The following KCNIP4 variants were observed in gnomAD, a reference collection of about 807,000 sequenced individuals.
The protein encoded by KCNIP4 is potassium voltage-gated channel interacting protein 4, also known as Kv channel-interacting protein 4.
In KCNIP4, 12 loss-of-function variants were observed where a neutral mutation model predicts 34.0. The ratio of observed to expected loss-of-function variants is 0.35; its 90% confidence interval spans 0.23 to 0.57. The LOEUF (loss-of-function observed/expected upper bound fraction) is 0.57. Among genes scored for constraint, KCNIP4 ranks in the 20% least tolerant of loss-of-function variants. The pLI, the probability that KCNIP4 is intolerant of heterozygous loss-of-function variation, is 0.83. For synonymous variants in KCNIP4, 124 were observed against 102.2 expected, an observed-to-expected ratio of 1.21 and a Z score of -1.29; for missense variants, 238 against 311.7, an observed-to-expected ratio of 0.76 and a Z score of 1.78.
At chr4:20,983,450 G>C (rs961195461) in intron 1 of KCNIP4, among the ~76,000 whole-genome samples, 1 of 152,104 alleles carries the variant, frequency 6.6e-6, no homozygotes, top group Non-Finnish European at 1.5e-5. Flanking sequence ...TCTTTCATAG[G>C]ATGAAATCAC....
Position 20,901,748 on chromosome 4 carries a change from G to C in KCNIP4, c.62-19039C>G, listed in dbSNP as rs141067114. 3.3e-5 allele frequency among the ~76,000 whole-genome samples: 5 copies of C among 152,176 alleles called. No homozygotes were observed. In the East Asian group the frequency reaches 9.7e-4, roughly 29 times the overall value. ...GCTTCAGTTCCTCATTTATAAATGA[G>C]AATAAGTATACTAAACTCAAGAGGT... On this transcript the variant is annotated intron_variant, in intron 1 of 8. Coordinates refer to ENST00000382152, the MANE Select transcript of KCNIP4 (RefSeq NM_025221.6).
intron 3 of KCNIP4, among the ~76,000 whole-genome samples, chr4:20,793,275 T>A (rs13149493): frequency 0.45 from 68,048 of 151,932 alleles, 15,810 homozygotes; most frequent in East Asian, 0.7. Flanking sequence ...TAAAACAACA[T>A]GAATGAATCT....
At chr4:21,932,879 G>GA (rs57384142) in intron 1 of KCNIP4, among the ~76,000 whole-genome samples, 55,274 of 151,566 alleles carry the variant, frequency 0.36, 10,491 homozygotes, top group African/African-American at 0.46. Context: ...TATAATCTAT[G>GA]AAAAAATCTA....
At chr4:21,372,864 AAG>A (rs1720601245) in intron 1 of KCNIP4, among the ~76,000 whole-genome samples, 1 of 146,150 alleles carries the variant, frequency 6.8e-6, no homozygotes, top group African/African-American at 2.8e-5. Flanking sequence ...GAGTGAATAC[AAG>A]AGTGTTAATC....
At chr4:20,863,215 G>A (rs987390224) in intron 2 of KCNIP4, among the ~76,000 whole-genome samples, 3 of 152,148 alleles carry the variant, frequency 2.0e-5, no homozygotes, top group African/African-American at 7.2e-5. Flanking sequence ...ATAATTTGGT[G>A]AGTAGGGGCT....
intron 1 of KCNIP4, among the ~76,000 whole-genome samples, chr4:21,151,939 T>C (rs1752787433): frequency 6.6e-6 from 1 of 152,142 alleles, no homozygotes. Flanking sequence ...TGTAAATACT[T>C]CTATATTGAA....
intron 1 of KCNIP4, among the ~76,000 whole-genome samples, chr4:21,312,969 G>T (rs1578063880): frequency 6.6e-6 from 1 of 152,288 alleles, no homozygotes; most frequent in African/African-American, 2.4e-5. Context: ...GTTCAGAAGT[G>T]TGAAGCTGAT....
At chr4:21,563,941 A>AT (rs766271143) in intron 1 of KCNIP4, among the ~76,000 whole-genome samples, 33 of 152,126 alleles carry the variant, frequency 2.2e-4, no homozygotes, top group Non-Finnish European at 4.0e-4. Context: ...AATCACGTAA[A>AT]TTGTTTAAAA....
At chr4:21,228,570 C>T (rs1017773084) in intron 1 of KCNIP4, among the ~76,000 whole-genome samples, 1 of 152,192 alleles carries the variant, frequency 6.6e-6, no homozygotes, top group Non-Finnish European at 1.5e-5. Flanking sequence ...TTGAAACACA[C>T]ATGAGTACAC....
chr4:21,222,359 A>C (rs1442393375), intron 1 of KCNIP4, among the ~76,000 whole-genome samples: 1 of 152,154 alleles, frequency 6.6e-6, no homozygotes, highest in East Asian at 1.9e-4. Context: ...TACTTTCTAG[A>C]GTAAACTTTA....
At chr4:21,729,059 A>C (rs11939687) in intron 1 of KCNIP4, among the ~76,000 whole-genome samples, 46,349 of 151,976 alleles carry the variant, frequency 0.3, 8,221 homozygotes, top group East Asian at 0.68. Context: ...AAATAATGAT[A>C]TCTCTCCTCC....
At chr4:21,251,875 G>A (rs1216038405) in intron 1 of KCNIP4, among the ~76,000 whole-genome samples, 2 of 147,672 alleles carry the variant, frequency 1.4e-5, no homozygotes, top group Non-Finnish European at 3.0e-5. Context: ...GGTGTGGGGA[G>A]GGGGGAGGGA....
chr4:21,655,328 G>C (rs1747835684), intron 1 of KCNIP4, among the ~76,000 whole-genome samples: 1 of 152,042 alleles, frequency 6.6e-6, no homozygotes, highest in Admixed American at 6.6e-5. Context: ...ATGGCCATCT[G>C]ATCATCATGC....
At chr4:21,859,620 T>C (rs888034556) in intron 1 of KCNIP4, among the ~76,000 whole-genome samples, 2 of 128,490 alleles carry the variant, frequency 1.6e-5, no homozygotes, top group Non-Finnish European at 3.4e-5. Flanking sequence ...AGAGCAAGAC[T>C]CCATTTCAAA....
intron 1 of KCNIP4, among the ~76,000 whole-genome samples, chr4:20,922,976 C>CGT (rs927978465): frequency 3.3e-5 from 5 of 151,244 alleles, no homozygotes; most frequent in African/African-American, 9.7e-5. Context: ...TGTGTGTGTG[C>CGT]GTGTGTGTGA....
chr4:21,910,988 A>G (rs970231272), intron 1 of KCNIP4, among the ~76,000 whole-genome samples: 1 of 152,206 alleles, frequency 6.6e-6, no homozygotes, highest in Admixed American at 6.5e-5. Flanking sequence ...ATTCCAAATA[A>G]AAGTGGAAAG....
chr4:20,840,630 C>T (rs766592091), intron 3 of KCNIP4, among the ~76,000 whole-genome samples: 4 of 152,198 alleles, frequency 2.6e-5, no homozygotes, highest in Admixed American at 1.3e-4. Context: ...AGTGGAACCA[C>T]GAGATGGAAG....
Position 21,704,317 on chromosome 4 carries a change from A to G in KCNIP4, c.61+244254T>C, listed in dbSNP as rs559008488. On this transcript the variant is annotated intron_variant, in intron 1 of 8. Transcript: ENST00000382152. ...GGTAGAACAGATGTTTTCAATTAGT[A>G]TATATTCCAAAAACATGAGCCATAA... is the stretch of plus-strand genomic sequence containing the variant. Among the ~76,000 whole-genome samples, 3 of 152,290 alleles carry G rather than the reference A, an allele frequency of 2.0e-5. No individual in the cohort carries two copies. In the East Asian group the frequency reaches 5.8e-4, roughly 29 times the overall value.
intron 1 of KCNIP4, among the ~76,000 whole-genome samples, chr4:21,066,696 A>G (rs1235532822): frequency 2.6e-5 from 4 of 152,172 alleles, no homozygotes; most frequent in Non-Finnish European, 5.9e-5. Flanking sequence ...GAGCATTTAG[A>G]CCAACCCTAG....
Sources: allele counts gnomAD v4.1 joint callset (sites outside exome capture counted in the v4.1 genomes callset), GRCh38; gene constraint gnomAD v4.1.1; transcripts MANE v1.5; gene names NCBI Gene and HGNC (gene_info 2026-07-23, HGNC 2026-07-21).